GMDS: variants seen among roughly 807,000 people sequenced by gnomAD.
GMDS encodes the protein GDP-mannose 4,6 dehydratase.
In GMDS, 20 loss-of-function variants were observed where a neutral mutation model predicts 49.9. The observed-to-expected ratio is 0.40, with a 90% CI of 0.28 to 0.58. The LOEUF is 0.58. Ranked by LOEUF, GMDS falls within the 20% of genes least tolerant of loss-of-function variation. The pLI, the probability that GMDS is intolerant of heterozygous loss-of-function variation, is 0.42. For synonymous variants in GMDS, 177 were observed against 178.6 expected, an observed-to-expected ratio of 0.99 and a Z score of 0.07; for missense variants, 362 against 481.4, an observed-to-expected ratio of 0.75 and a Z score of 2.32.
At chr6:1,928,193 C>T (rs1190328473) in intron 7 of GMDS, among the ~76,000 whole-genome samples, 1 of 151,980 alleles carries the variant, frequency 6.6e-6, no homozygotes, top group Non-Finnish European at 1.5e-5. Flanking sequence ...AGTGAAACCC[C>T]GTCTCTACTA....
intron 9 of GMDS, among the ~76,000 whole-genome samples, chr6:1,676,180 C>T (rs1314285282): frequency 6.6e-6 from 1 of 152,150 alleles, no homozygotes; most frequent in Admixed American, 6.5e-5. Context: ...CTCCCATTCA[C>T]AATTGCTTCA....
chr6:1,897,152 A>G (rs1369726405), intron 7 of GMDS, among the ~76,000 whole-genome samples: 3 of 152,182 alleles, frequency 2.0e-5, no homozygotes, highest in Non-Finnish European at 4.4e-5. Flanking sequence ...TCAAGACGCC[A>G]CAGGTTTGGT....
intron 9 of GMDS, among the ~76,000 whole-genome samples, chr6:1,690,834 T>C (rs1443699636): frequency 1.3e-5 from 2 of 152,178 alleles, no homozygotes; most frequent in East Asian, 3.9e-4. Flanking sequence ...CCAGTCAGAA[T>C]GGTGATTATT....
intron 7 of GMDS, among the ~76,000 whole-genome samples, chr6:1,881,841 A>G (rs1759377045): frequency 6.6e-6 from 1 of 152,210 alleles, no homozygotes. Context: ...ATCTGGCAAG[A>G]TGACCAACAG....
intron 6 of GMDS, among the ~76,000 whole-genome samples, chr6:1,937,189 T>G (rs1762595821): frequency 6.6e-6 from 1 of 152,158 alleles, no homozygotes; most frequent in South Asian, 2.1e-4. Context: ...ACTCTACGTC[T>G]ACAACCGTCA....
intron 7 of GMDS, among the ~76,000 whole-genome samples, chr6:1,840,053 G>A (rs563042301): frequency 1.3e-5 from 2 of 152,338 alleles, no homozygotes; most frequent in South Asian, 2.1e-4. Flanking sequence ...AATGAGAGGC[G>A]AGGACTGCAT....
chr6:2,108,351 A>G (rs10484948), intron 4 of GMDS, among the ~76,000 whole-genome samples: 4,215 of 152,228 alleles, frequency 0.028, 89 homozygotes, highest in South Asian at 0.087. Flanking sequence ...ACAAACCACC[A>G]TGGTGTAGAT....
At chr6:1,853,734 A>T (rs543987689) in intron 7 of GMDS, among the ~76,000 whole-genome samples, 1 of 152,334 alleles carries the variant, frequency 6.6e-6, no homozygotes, top group African/African-American at 2.4e-5. Context: ...CAGTTAAAAT[A>T]GTCTGGGAGA....
At chr6:1,960,381 T>C (rs1279849806) in intron 5 of GMDS, among the ~76,000 whole-genome samples, 2 of 151,882 alleles carry the variant, frequency 1.3e-5, no homozygotes, top group East Asian at 1.9e-4. Flanking sequence ...GTCTTTTTTT[T>C]TGAAGGTTTT....
chr6:1,786,971 A>G (rs1167616113), intron 7 of GMDS, among the ~76,000 whole-genome samples: 2 of 152,210 alleles, frequency 1.3e-5, no homozygotes, highest in Non-Finnish European at 2.9e-5. Context: ...CCACTCTGCC[A>G]GCGCGTACCC....
At chr6:1,737,963 CAT>C (rs1467602681) in intron 8 of GMDS, among the ~76,000 whole-genome samples, 25 of 144,720 alleles carry the variant, frequency 1.7e-4, no homozygotes, top group Non-Finnish European at 3.2e-4. Context: ...TACACACATA[CAT>C]ACACACACAT....
intron 9 of GMDS, among the ~76,000 whole-genome samples, chr6:1,629,427 G>A (rs887161401): frequency 1.3e-5 from 2 of 152,148 alleles, no homozygotes; most frequent in Non-Finnish European, 2.9e-5. Context: ...CTCAGGAAGC[G>A]GGACTCGGTG....
intron 1 of GMDS, among the ~76,000 whole-genome samples, chr6:2,136,535 A>C (rs1021957721): frequency 2.0e-5 from 3 of 152,202 alleles, no homozygotes; most frequent in African/African-American, 7.2e-5. Context: ...CTCCCTGGGC[A>C]ACATAGTGAG....
intron 6 of GMDS, among the ~76,000 whole-genome samples, chr6:1,934,277 T>C (rs1762423003): frequency 6.6e-6 from 1 of 152,262 alleles, no homozygotes; most frequent in Non-Finnish European, 1.5e-5. Flanking sequence ...TCCTGGTTAC[T>C]GTAGCTCTGT....
Position 2,209,570 on chromosome 6 carries a change from T to TACACACACAC in GMDS, c.102+35741_102+35750dup, listed in dbSNP as rs61216869. On this transcript the variant is annotated intron_variant, in intron 1 of 10. Transcript: ENST00000380815. ...TAATACACATACATACACATACACA[T>TACACACACAC]ACACACACACACACACACACACACA... Among the ~76,000 whole-genome samples, 173 of 135,964 alleles carry TACACACACAC rather than the reference T, an allele frequency of 1.3e-3. 1 individual carries two copies. Among genetic ancestry groups the TACACACACAC allele is most frequent in the South Asian group, 4.5e-3 (19 of 4,262 alleles). The allele number at this position is 135,964 out of a possible 152,430, so 89.2% of individuals were successfully genotyped here.
intron 1 of GMDS, among the ~76,000 whole-genome samples, chr6:2,225,905 C>T (rs1780791866): frequency 6.6e-6 from 1 of 152,108 alleles, no homozygotes; most frequent in Admixed American, 6.5e-5. Flanking sequence ...AATCAGACCT[C>T]GACCACAGGA....
intron 9 of GMDS, among the ~76,000 whole-genome samples, chr6:1,685,162 C>T (rs1228476016): frequency 4.6e-5 from 7 of 152,028 alleles, no homozygotes; most frequent in Admixed American, 1.3e-4. Flanking sequence ...TTTGGGAGGC[C>T]GAGGTGGGCA....
At chr6:1,986,469 C>A (rs537646762) in intron 4 of GMDS, among the ~76,000 whole-genome samples, 16 of 152,252 alleles carry the variant, frequency 1.1e-4, no homozygotes, top group African/African-American at 3.8e-4. Flanking sequence ...TCTTTCACTA[C>A]CTTAAAGAGG....
At chr6:2,062,998 T>C (rs1771281678) in intron 4 of GMDS, among the ~76,000 whole-genome samples, 1 of 152,246 alleles carries the variant, frequency 6.6e-6, no homozygotes, top group South Asian at 2.1e-4. Flanking sequence ...CAATCTGTGT[T>C]AGAATTTGCT....
Sources: gnomAD v4.1 joint callset for allele counts (sites outside exome capture counted in the v4.1 genomes callset) on GRCh38, gnomAD v4.1.1 for gene constraint, MANE v1.5 for transcripts, NCBI Gene and HGNC (gene_info 2026-07-23, HGNC 2026-07-21) for gene names.